The following ABHD6 variants were observed in gnomAD, a reference collection of about 807,000 sequenced individuals.
ABHD6 encodes abhydrolase domain containing 6, acylglycerol lipase.
In ABHD6, 33 loss-of-function variants were observed where a neutral mutation model predicts 38.8. The ratio of observed to expected loss-of-function variants is 0.85; its 90% CI spans 0.64 to 1.14. The LOEUF (loss-of-function observed/expected upper bound fraction) is 1.14, where lower values mean the gene tolerates loss of function less well. Among genes scored for constraint, ABHD6 ranks in the 50% most tolerant of loss-of-function variants. ABHD6 has a pLI of 0.00. For synonymous variants in ABHD6, 147 were observed against 161.6 expected, an observed-to-expected ratio of 0.91 and a Z score of 0.69; for missense variants, 380 against 422.6, an observed-to-expected ratio of 0.90 and a Z score of 0.88.
intron 1 of ABHD6, among the ~76,000 whole-genome samples, chr3:58,243,509 G>T (rs1004248846): frequency 2.6e-5 from 4 of 152,076 alleles, no homozygotes; most frequent in African/African-American, 7.3e-5. Flanking sequence ...AAGGAGAACT[G>T]GGGGTAGACA....
At chr3:58,292,608 C>A (rs939043455) in intron 9 of ABHD6, among the ~76,000 whole-genome samples, 1 of 152,052 alleles carries the variant, frequency 6.6e-6, no homozygotes, top group Non-Finnish European at 1.5e-5. Context: ...CTCTGGGGAT[C>A]CCCAGAGGAC....
intron 3 of ABHD6, among the ~76,000 whole-genome samples, chr3:58,262,180 G>A (rs540186313): frequency 6.6e-6 from 1 of 152,308 alleles, no homozygotes; most frequent in South Asian, 2.1e-4. Context: ...GGGACTGGGG[G>A]AAATGAGGAG....
rs2097429774 is a variant in ABHD6 at position 58,251,325 on chromosome 3, A to AT, written c.-26+1383_-26+1384insT. 6.6e-6 allele frequency among the ~76,000 whole-genome samples: 1 copy of AT among 151,802 alleles called. No individual in the cohort carries two copies. Among genetic ancestry groups the AT allele is most frequent in the Non-Finnish European group, 1.5e-5 (1 of 67,960 alleles). On this transcript the variant is annotated intron_variant, in intron 2 of 9. Transcript: ENST00000478253. This position sits in a 1 kb window ranked among gnomAD's most constrained non-coding sequence, Gnocchi z 5.4. ...GAGCGAGACTCCATCTAAAAAAAAAAAAGAAAGAAAAAAAGACAGAAATCA... is the reference window on the plus strand; with the variant it reads ...GAGCGAGACTCCATCTAAAAAAAAAATAAGAAAGAAAAAAAGACAGAAATCA...
intron 1 of ABHD6, among the ~76,000 whole-genome samples, chr3:58,241,731 C>G (rs2097422952): frequency 6.6e-6 from 1 of 152,204 alleles, no homozygotes; most frequent in Admixed American, 6.5e-5. Flanking sequence ...TAGGCCTGAG[C>G]AGTGGCCATG....
intron 6 of ABHD6, among the ~76,000 whole-genome samples, chr3:58,274,421 G>A (rs556145915): frequency 1.3e-5 from 2 of 152,172 alleles, no homozygotes; most frequent in African/African-American, 4.8e-5. Flanking sequence ...GATGCTCCTG[G>A]TCCATGGACT....
At chr3:58,288,948 T>C (rs1308304676) in intron 9 of ABHD6, among the ~76,000 whole-genome samples, 1 of 152,254 alleles carries the variant, frequency 6.6e-6, no homozygotes, top group African/African-American at 2.4e-5. Flanking sequence ...GGCACTTAAA[T>C]TTTGTGCCTT....
intron 9 of ABHD6, among the ~76,000 whole-genome samples, chr3:58,288,357 G>T (rs954536303): frequency 6.6e-6 from 1 of 152,168 alleles, no homozygotes; most frequent in African/African-American, 2.4e-5. Context: ...TGATGGATTT[G>T]GTCTGTATAC....
At chr3:58,274,838 A>G in intron 7 of ABHD6, 23 bp downstream of exon 7, 1 of 1,609,822 alleles carries the variant, frequency 6.2e-7, no homozygotes, top group Non-Finnish European at 8.5e-7. Flanking sequence ...CAGCAGCGAC[A>G]CAACTACCCT....
Position 58,263,248 on chromosome 3 carries a change from A to C in ABHD6, c.120-3941A>C, listed in dbSNP as rs2097438316. Among the ~76,000 whole-genome samples the C allele has an allele frequency of 6.7e-6, 1 of 148,196 alleles. No individual in the cohort carries two copies. Among genetic ancestry groups the C allele is most frequent in the African/African-American group, 2.5e-5 (1 of 39,658 alleles). On this transcript the variant is annotated intron_variant, in intron 3 of 9. Coordinates refer to ENST00000478253, the MANE Select transcript of ABHD6 (RefSeq NM_001320126.2). The surrounding 1 kb of genome is among the most constrained non-coding windows in gnomAD (Gnocchi z 4.9). ...AATAAACAAAAACAAAAATTAGCCG[A>C]GCGTGGTGGCACACACCTGTAATCC...
Position 58,246,188 on chromosome 3 carries a change from G to A in ABHD6, c.-90-3690G>A, listed in dbSNP as rs181577640. ...AACGTAAAGGGTCAAGTGGCTTTTG[G>A]CTCCTGTTTTATCCAGCAGGAGACT... On this transcript the variant is annotated intron_variant, in intron 1 of 9. Coordinates refer to ENST00000478253, the MANE Select transcript of ABHD6 (RefSeq NM_001320126.2). 7.7e-4 allele frequency among the ~76,000 whole-genome samples: 117 copies of A among 152,284 alleles called. 2 individuals carry two copies. The highest frequency in any genetic ancestry group is 3.4e-3 in the Middle Eastern group (1 of 294).
intron 3 of ABHD6, among the ~76,000 whole-genome samples, chr3:58,260,498 G>A (rs901150777): frequency 1.4e-4 from 22 of 152,286 alleles, no homozygotes; most frequent in African/African-American, 5.1e-4. Context: ...CACTTCCTCC[G>A]CATCACTGAA....
chr3:58,293,192 G>GCA lies in ABHD6; in HGVS notation c.838-396_838-395insAC, dbSNP rs2097464545. ...CACTCGCCATGATCTCCCACCCTGT[G>GCA]CCATTCCCACATCCGTGAATGCTCC... On this transcript the variant is annotated intron_variant, in intron 9 of 9. Transcript: ENST00000478253. This position sits in a 1 kb window ranked among gnomAD's most constrained non-coding sequence, Gnocchi z 4.4. Among the ~76,000 whole-genome samples, 1 of 152,014 alleles carries GCA rather than the reference G, an allele frequency of 6.6e-6. No individual in the cohort carries two copies. Among genetic ancestry groups the GCA allele is most frequent in the African/African-American group, 2.4e-5 (1 of 41,368 alleles).
At chr3:58,274,916 C>T (rs2107460644) in intron 7 of ABHD6, 101 bp downstream of exon 7, 1 of 1,365,786 alleles carries the variant, frequency 7.3e-7, no homozygotes, top group Non-Finnish European at 1.0e-6. Flanking sequence ...TCATTGACTA[C>T]TTCTTGTCCT....
At chr3:58,246,010 A>C (rs2097426128) in intron 1 of ABHD6, among the ~76,000 whole-genome samples, 1 of 152,194 alleles carries the variant, frequency 6.6e-6, no homozygotes, top group Admixed American at 6.5e-5. Flanking sequence ...CATGTGGCAA[A>C]TAGTCACTTA....
intron 7 of ABHD6, among the ~76,000 whole-genome samples, chr3:58,283,911 C>T (rs1317960849): frequency 6.6e-6 from 1 of 152,192 alleles, no homozygotes; most frequent in Non-Finnish European, 1.5e-5. Flanking sequence ...TCATTGTCCT[C>T]ATGTCCAGGC....
In ABHD6 at chr3:58,263,159, G is replaced by C. The variant is rs1210072214; in HGVS notation, c.120-4030G>C. 7.2e-5 allele frequency among the ~76,000 whole-genome samples: 11 copies of C among 152,256 alleles called. No homozygotes were observed. The East Asian group carries it at 2.1e-3, about 29-fold the overall frequency. ...GAAGGTGGAGGTTGCAGTGAGCCGA[G>C]ATCATGCCACTGCATTCCAGCCTGG... is the stretch of plus-strand genomic sequence containing the variant. On this transcript the variant is annotated intron_variant, in intron 3 of 9. Transcript: ENST00000478253. The surrounding 1 kb of genome is among the most constrained non-coding windows in gnomAD (Gnocchi z 4.9).
intron 7 of ABHD6, among the ~76,000 whole-genome samples, chr3:58,276,536 T>G (rs1301029060): frequency 6.6e-6 from 1 of 152,232 alleles, no homozygotes. Context: ...ATGGGTAGAT[T>G]GCAAAAATTT....
intron 7 of ABHD6, 142 bp downstream of exon 7, chr3:58,274,957 A>G: frequency 9.4e-7 from 1 of 1,060,230 alleles, no homozygotes; most frequent in Non-Finnish European, 1.4e-6. Context: ...GTGTCTCTGC[A>G]GTGCCTGCAA....
At chr3:58,262,196 G>A (rs2097437467) in intron 3 of ABHD6, among the ~76,000 whole-genome samples, 1 of 152,194 alleles carries the variant, frequency 6.6e-6, no homozygotes, top group Admixed American at 6.5e-5. Context: ...AGGAGTTAAT[G>A]TTTAATGGGT....
Sources: gnomAD v4.1 joint callset for allele counts (sites outside exome capture counted in the v4.1 genomes callset) on GRCh38, gnomAD v4.1.1 for gene constraint, Gnocchi (gnomAD v3.1) non-coding constraint, MANE v1.5 for transcripts, NCBI Gene and HGNC (gene_info 2026-07-23, HGNC 2026-07-21) for gene names.